Variants in HTR3A observed in about 807,000 individuals in gnomAD.
HTR3A encodes the protein 5-hydroxytryptamine (serotonin) receptor 3A, ionotropic.
A neutral mutation model predicts 54.8 loss-of-function variants in HTR3A; 45 were observed. That is an observed-to-expected ratio of 0.82 (90% confidence interval 0.65 to 1.05). The LOEUF (loss-of-function observed/expected upper bound fraction) is 1.05. Among genes scored for constraint, HTR3A ranks in the 50% least tolerant of loss-of-function variants. The probability of loss-of-function intolerance (pLI) is 0.00; values close to 1 mark genes in which losing one functional copy is unlikely to be tolerated. For missense variants in HTR3A, 657 were observed against 614.0 expected (o/e 1.07, Z -0.74); for synonymous variants, 297 against 256.0 (o/e 1.16, Z -1.53).
intron 3 of HTR3A, among the ~76,000 whole-genome samples, chr11:113,979,784 G>T (rs1210432300): frequency 6.6e-6 from 1 of 152,160 alleles, no homozygotes; most frequent in Non-Finnish European, 1.5e-5. Context: ...TTATGGCTTT[G>T]AGCTGGGGTG....
intron 8 of HTR3A, among the ~76,000 whole-genome samples, chr11:113,988,924 C>G (rs969808913): frequency 6.6e-6 from 1 of 152,058 alleles, no homozygotes; most frequent in Non-Finnish European, 1.5e-5. Flanking sequence ...AAGGATACTT[C>G]GTGATATTAA....
chr11:113,975,371 A>T lies in HTR3A; in HGVS notation c.46A>T (p.Thr16Ser). 1 of 1,612,876 alleles carries T rather than the reference A, an allele frequency of 6.2e-7. No individual in the cohort carries two copies. Among genetic ancestry groups the T allele is most frequent in the Non-Finnish European group, 8.5e-7 (1 of 1,179,984 alleles). The change falls in exon 1 of 9, where the codon ACA becomes TCA. Residue 16 changes from threonine to serine, a missense_variant. Coordinates refer to ENST00000504030, the MANE Select transcript of HTR3A (RefSeq NM_000869.6). ...GGCGCTGCTCGCCTTGCTCCTCCCC[A>T]CACTCCTGGCACAGGGAGAAGGTAA... is the stretch of plus-strand genomic sequence containing the variant. ...QQALLALLLP[T>S]LLAQGEARRS... is the part of the protein sequence containing the mutation.
chr11:113,980,276 G>A (rs1173817678), intron 3 of HTR3A, among the ~76,000 whole-genome samples: 6 of 152,232 alleles, frequency 3.9e-5, no homozygotes, highest in Non-Finnish European at 2.9e-5. Context: ...ACCAGCAACT[G>A]TGCTAAGAGA....
Position 113,989,695 on chromosome 11 carries a change from T to TA in HTR3A, c.1370dup (p.Tyr457Ter). 1.2e-6 allele frequency: 2 copies of TA among 1,614,070 alleles called. No homozygotes were observed. Among genetic ancestry groups the TA allele is most frequent in the Non-Finnish European group, 1.7e-6 (2 of 1,180,020 alleles). Reference sequence around the variant, plus strand: ...GCTGGACAAGCTGCTATTCCACATTTACCTGCTAGCGGTGCTGGCCTACAG... The same window carrying TA: ...GCTGGACAAGCTGCTATTCCACATTTAACCTGCTAGCGGTGCTGGCCTACAG... ...SVLDKLLFHI[Y>*]LLAVLAYSIT... is the part of the protein sequence containing the mutation. The change falls in exon 9 of 9, where the codon TAC becomes TAAC. Residue 457 changes from tyrosine to a stop codon, truncating the protein, a stop_gained and frameshift_variant. Transcript: ENST00000504030. LOFTEE classifies it high-confidence loss of function. This position sits in a 1 kb window ranked among gnomAD's most constrained non-coding sequence, Gnocchi z 4.4.
In HTR3A at chr11:113,990,077, T is replaced by C; in HGVS notation, c.*314T>C. 7.3e-6 allele frequency: 4 copies of C among 551,104 alleles called. No individual in the cohort carries two copies. Among genetic ancestry groups the C allele is most frequent in the South Asian group, 1.5e-5 (1 of 65,326 alleles). 34.1% of individuals were successfully genotyped at this position (551,104 alleles called of 1,614,324 possible). A position where few individuals can be genotyped will look rare whatever the true frequency, so the allele number is the denominator to read the frequency against. ...TAAGTCCACTCTAGTTGTGGACTTTTCCCCATTGACCCTCACCTGAATAAG... is the reference window on the plus strand; with the variant it reads ...TAAGTCCACTCTAGTTGTGGACTTTCCCCCATTGACCCTCACCTGAATAAG... On this transcript the variant is annotated 3_prime_UTR_variant, in exon 9 of 9. Coordinates refer to ENST00000504030, the MANE Select transcript of HTR3A (RefSeq NM_000869.6).
Position 113,986,729 on chromosome 11 carries a change from G to A in HTR3A, c.916+1G>A, listed in dbSNP as rs1338753230. On this transcript the variant is annotated splice_donor_variant, in intron 7 of 8. Coordinates refer to ENST00000504030, the MANE Select transcript of HTR3A (RefSeq NM_000869.6). LOFTEE classifies it high-confidence loss of function. ...ACTGCCATCGGCACTCCTCTCATTG[G>A]TAAGGCCCCTCCTGGCAGCAGAGCT... The A allele has an allele frequency of 2.5e-6, 4 of 1,614,014 alleles. No individual in the cohort carries two copies. The highest frequency in any genetic ancestry group is 1.7e-5 in the Admixed American group (1 of 59,994).
At chr11:113,982,976 C>G in intron 4 of HTR3A, 144 bp from the exon 5 acceptor site, 1 of 905,346 alleles carries the variant, frequency 1.1e-6, no homozygotes, top group Non-Finnish European at 1.8e-6. Flanking sequence ...TTGGAAAAAC[C>G]GAGGCCAGGC....
Position 113,986,106 on chromosome 11 carries a change from G to C in HTR3A, c.636G>C (p.Leu212=). The C allele has an allele frequency of 1.2e-6, 2 of 1,614,190 alleles. No individual in the cohort carries two copies. The highest frequency in any genetic ancestry group is 1.7e-6 in the Non-Finnish European group (2 of 1,180,036). Residue 212 remains leucine, a synonymous_variant, in exon 6 of 9, where the codon CTG becomes CTC. Transcript: ENST00000504030. ...VFMNQGEWEL[L]GVLPYFREFS... is the part of the protein sequence containing the mutation. The stretch of plus-strand genomic sequence containing the variant: ...TGAACCAGGGAGAGTGGGAGTTGCT[G>C]GGGGTGCTGCCCTACTTTCGGGAGT...
rs371565901 is a variant in HTR3A at position 113,981,329 on chromosome 11, A to G, written c.374+17A>G. On this transcript the variant is annotated intron_variant, in intron 4 of 8. Transcript: ENST00000504030. The stretch of plus-strand genomic sequence containing the variant: ...CAATGAGTTGTGAGTACCGTTATCC[A>G]TTGTGAGGTGGCTGGGTGGCTTAGG... 16 of 1,511,038 alleles carry G rather than the reference A, an allele frequency of 1.1e-5. No homozygotes were observed. The highest frequency in any genetic ancestry group is 3.3e-5 in the Admixed American group (2 of 59,894). The allele number at this position is 1,511,038 out of a possible 1,614,324, so 93.6% of individuals were successfully genotyped here. A position where few individuals can be genotyped will look rare whatever the true frequency, so the allele number is the denominator to read the frequency against.
chr11:113,988,354 G>C (rs966933716), intron 8 of HTR3A, among the ~76,000 whole-genome samples: 2 of 152,240 alleles, frequency 1.3e-5, no homozygotes, highest in Non-Finnish European at 2.9e-5. Flanking sequence ...AGAAGTAGCA[G>C]TGGATTGGGA....
At chr11:113,978,455 T>G (rs1170007568) in intron 2 of HTR3A, among the ~76,000 whole-genome samples, 1 of 152,182 alleles carries the variant, frequency 6.6e-6, no homozygotes, top group African/African-American at 2.4e-5. Context: ...TGGGGTCAGG[T>G]AAGCAGGACC....
rs1008020514 is a variant in HTR3A at position 113,987,049 on chromosome 11, G to A, written c.1138+3G>A. On this transcript the variant is annotated splice_donor_region_variant and intron_variant, in intron 8 of 8. Coordinates refer to ENST00000504030, the MANE Select transcript of HTR3A (RefSeq NM_000869.6). The stretch of plus-strand genomic sequence containing the variant: ...CACCAAGACTGATGACTGCTCAGGT[G>A]AGAAACAGAAGGGAAGAGTCCATAC... 3.1e-6 allele frequency: 5 copies of A among 1,613,062 alleles called. No individual in the cohort carries two copies. The highest frequency in any genetic ancestry group is 1.3e-5 in the African/African-American group (1 of 75,032).
intron 6 of HTR3A, 135 bp from the exon 7 acceptor site, chr11:113,986,383 G>A (rs1191241182): frequency 2.7e-6 from 3 of 1,108,298 alleles, no homozygotes; most frequent in Admixed American, 2.0e-5. Flanking sequence ...GCAGGGTATG[G>A]GGGTCTGTCT....
chr11:113,987,295 A>C (rs2137585922), intron 8 of HTR3A, among the ~76,000 whole-genome samples: 1 of 152,340 alleles, frequency 6.6e-6, no homozygotes, highest in South Asian at 2.1e-4. Flanking sequence ...TGAGCATGTC[A>C]GGAGCTGAGT....
At chr11:113,985,455 G>T (rs1015575343) in intron 5 of HTR3A, among the ~76,000 whole-genome samples, 8 of 152,122 alleles carry the variant, frequency 5.3e-5, no homozygotes, top group Non-Finnish European at 1.2e-4. Context: ...CTGATTGATG[G>T]ATATTTCAGT....
At position 113,977,741 on chromosome 11, in the gene HTR3A, G is replaced by T. The variant is rs752916433; in HGVS notation, c.68-30G>T. 2.5e-6 allele frequency: 4 copies of T among 1,611,886 alleles called. No individual in the cohort carries two copies. In the Admixed American group the frequency reaches 6.7e-5, roughly 27 times the overall value. ...AACCGGGGGAAGTCTTGGGGGGCTG[G>T]TGTCTACTTTGAACTGTTCTCCTTC... On this transcript the variant is annotated intron_variant, in intron 1 of 8. Coordinates refer to ENST00000504030, the MANE Select transcript of HTR3A (RefSeq NM_000869.6).
rs1161966342 is a variant in HTR3A, at chr11:113,983,365, C to G, written c.544+76C>G. 33 of 1,526,770 alleles carry G rather than the reference C, an allele frequency of 2.2e-5. No homozygotes were observed. In the Admixed American group the frequency reaches 5.5e-4, roughly 25 times the overall value. The allele number at this position is 1,526,770 out of a possible 1,614,324, so 94.6% of individuals were successfully genotyped here. A position where few individuals can be genotyped will look rare whatever the true frequency, so the allele number is the denominator to read the frequency against. On this transcript the variant is annotated intron_variant, in intron 5 of 8. Transcript: ENST00000504030. ...GGACACCTGAGCGAGGAGTGCTCCCCAGGGCGCCTTCTCACGTATCCAGCC... is the reference window on the plus strand; with the variant it reads ...GGACACCTGAGCGAGGAGTGCTCCCGAGGGCGCCTTCTCACGTATCCAGCC...
chr11:113,978,177 A>G (rs573198241), intron 2 of HTR3A, among the ~76,000 whole-genome samples: 1 of 152,246 alleles, frequency 6.6e-6, no homozygotes, highest in Admixed American at 6.5e-5. Flanking sequence ...TTCTTCATAC[A>G]CTGCATAATG....
At chr11:113,982,186 A>G (rs1950429138) in intron 4 of HTR3A, among the ~76,000 whole-genome samples, 1 of 152,146 alleles carries the variant, frequency 6.6e-6, no homozygotes, top group Admixed American at 6.5e-5. Flanking sequence ...CCCATCCTGC[A>G]GGTTCATTCA....
Sources: gnomAD v4.1 joint callset for allele counts (sites outside exome capture counted in the v4.1 genomes callset) on GRCh38, gnomAD v4.1.1 for gene constraint, Gnocchi (gnomAD v3.1) non-coding constraint, MANE v1.5 for transcripts, NCBI Gene and HGNC (gene_info 2026-07-23, HGNC 2026-07-21) for gene names.